Variants in ERICH1 observed in about 807,000 individuals in gnomAD.
The protein encoded by ERICH1 is glutamate-rich protein 1.
ERICH1 carries 56 observed loss-of-function variants against 39.6 expected under a neutral mutation model. That is an observed-to-expected ratio of 1.41 (90% confidence interval 1.14 to 1.77). The LOEUF (loss-of-function observed/expected upper bound fraction) is 1.77. ERICH1 is among the 40% of genes most tolerant of loss of function. ERICH1 has a pLI of 0.00. For missense variants in ERICH1, 826 were observed against 575.4 expected (o/e 1.44, Z -4.45); for synonymous variants, 313 against 223.6 (o/e 1.40, Z -3.57).
intron 2 of ERICH1, among the ~76,000 whole-genome samples, chr8:700,327 G>A (rs550246282): frequency 1.2e-4 from 8 of 65,584 alleles, no homozygotes; most frequent in African/African-American, 3.2e-4. Flanking sequence ...ACGCGCACAG[G>A]CCCGCACACG....
At chr8:719,937 C>A (rs956816092) in intron 1 of ERICH1, among the ~76,000 whole-genome samples, 1 of 152,062 alleles carries the variant, frequency 6.6e-6, no homozygotes, top group South Asian at 2.1e-4. Flanking sequence ...GCCCACCCGG[C>A]CCTCCCATGA....
chr8:712,800 T>C (rs571977010), intron 2 of ERICH1, among the ~76,000 whole-genome samples: 23 of 152,380 alleles, frequency 1.5e-4, no homozygotes, highest in African/African-American at 5.3e-4. Flanking sequence ...AACCCCACTA[T>C]AATCCTTTAT....
chr8:700,478 A>AC (rs1307079245), intron 2 of ERICH1, among the ~76,000 whole-genome samples: 7 of 129,592 alleles, frequency 5.4e-5, no homozygotes, highest in East Asian at 4.5e-4. Context: ...AGACCCGCAC[A>AC]GGCGCACAGG....
At chr8:674,822 G>A (rs959209201) in intron 3 of ERICH1, among the ~76,000 whole-genome samples, 1 of 152,232 alleles carries the variant, frequency 6.6e-6, no homozygotes, top group Non-Finnish European at 1.5e-5. Context: ...ACTCCAGGTT[G>A]GCAGAAGGTG....
At chr8:706,155 G>A (rs945911205) in intron 2 of ERICH1, among the ~76,000 whole-genome samples, 1 of 152,194 alleles carries the variant, frequency 6.6e-6, no homozygotes, top group East Asian at 1.9e-4. Context: ...GTGTGTAAGC[G>A]CACTTTGCTC....
At chr8:694,762 G>T (rs567652538) in intron 2 of ERICH1, among the ~76,000 whole-genome samples, 2 of 152,308 alleles carry the variant, frequency 1.3e-5, no homozygotes, top group African/African-American at 4.8e-5. Flanking sequence ...TTACTGTGAG[G>T]ACACTTACGC....
intron 1 of ERICH1, 44 bp from the exon 2 acceptor site, chr8:716,051 A>C (rs1338903493): frequency 6.4e-7 from 1 of 1,556,540 alleles, no homozygotes; most frequent in Non-Finnish European, 8.7e-7. Context: ...AAAGGAATGA[A>C]TTATGCAGTT....
At chr8:696,850 T>C (rs1240064731) in intron 2 of ERICH1, among the ~76,000 whole-genome samples, 1 of 39,426 alleles carries the variant, frequency 2.5e-5, no homozygotes, top group African/African-American at 1.0e-4. Flanking sequence ...TCTCACCCTC[T>C]CTCCCTCTCC....
chr8:709,109 G>C (rs753482464), intron 2 of ERICH1, among the ~76,000 whole-genome samples: 3 of 152,178 alleles, frequency 2.0e-5, no homozygotes, highest in Non-Finnish European at 2.9e-5. Context: ...TGAATTGGTT[G>C]ATTTGAAATG....
intron 1 of ERICH1, among the ~76,000 whole-genome samples, chr8:723,580 G>C (rs995748210): frequency 2.6e-5 from 4 of 152,296 alleles, no homozygotes; most frequent in East Asian, 1.9e-4. Context: ...CATCAGTTTA[G>C]AGAAAATACC....
In ERICH1 at chr8:625,180, G is replaced by A. The variant is rs79645001; in HGVS notation, c.977-9896C>T. On this transcript the variant is annotated intron_variant, in intron 3 of 3. Coordinates refer to the ERICH1 transcript ENST00000522706. ...GAGATTTGGGTGGGGACACGAATCC[G>A]AACCATATCAGAGTCATTCACAATC... Among the ~76,000 whole-genome samples the A allele has an allele frequency of 1.4e-3, 218 of 152,248 alleles. 4 individuals are homozygous for A. In the East Asian group the frequency reaches 0.033, roughly 23 times the overall value.
At chr8:628,571 C>T (rs1168182742) in intron 3 of ERICH1, among the ~76,000 whole-genome samples, 1 of 152,208 alleles carries the variant, frequency 6.6e-6, no homozygotes, top group African/African-American at 2.4e-5. Flanking sequence ...GAGAGGACTC[C>T]CTGGTGCCTT....
At chr8:671,493 G>A (rs1398997224) in intron 4 of ERICH1, among the ~76,000 whole-genome samples, 1 of 142,498 alleles carries the variant, frequency 7.0e-6, no homozygotes, top group East Asian at 2.2e-4. Context: ...GCCAGCCCCG[G>A]TTCTAATGTC....
intron 2 of ERICH1, among the ~76,000 whole-genome samples, chr8:700,372 GGCGCACAGGCCCGCACAC>G (rs1563298929): frequency 9.0e-4 from 19 of 21,154 alleles, no homozygotes; most frequent in African/African-American, 2.1e-3. Context: ...GGCCCGCACA[GGCGCACAGGCCCGCACAC>G]GCGCACAGGC....
chr8:673,254 G>A (rs373726307), intron 4 of ERICH1, 35 bp downstream of exon 4: 2 of 1,548,048 alleles, frequency 1.3e-6, no homozygotes, highest in South Asian at 2.5e-5. Context: ...TTAAGTGGAT[G>A]TCACTATGCA....
chr8:699,877 G>A lies in ERICH1; in HGVS notation c.170-7265C>T, dbSNP rs1478109916. ...CACACGCGCACAGACCCTCACAGGC[G>A]CACAGATCCGCACACGCGCACAGAC... On this transcript the variant is annotated intron_variant, in intron 2 of 5. Transcript: ENST00000262109. Among the ~76,000 whole-genome samples the A allele has an allele frequency of 1.9e-5, 2 of 105,398 alleles. 1 individual carries two copies. Among genetic ancestry groups the A allele is most frequent in the Non-Finnish European group, 4.0e-5 (2 of 50,312 alleles). 69.1% of individuals were successfully genotyped at this position (105,398 alleles called of 152,430 possible). A position where few individuals can be genotyped will look rare whatever the true frequency, so the allele number is the denominator to read the frequency against.
chr8:665,292 C>T (rs1023839356), intron 5 of ERICH1, among the ~76,000 whole-genome samples: 1 of 152,128 alleles, frequency 6.6e-6, no homozygotes, highest in Non-Finnish European at 1.5e-5. Context: ...CCACTGGTCC[C>T]CGGCTCCAAC....
chr8:723,160 A>T (rs1817731844), intron 1 of ERICH1, among the ~76,000 whole-genome samples: 1 of 152,208 alleles, frequency 6.6e-6, no homozygotes, highest in Non-Finnish European at 1.5e-5. Flanking sequence ...CCCTCACCAT[A>T]GGACGCTGGC....
chr8:656,953 G>T, intron 3 of ERICH1: 1 of 670,058 alleles, frequency 1.5e-6, no homozygotes, highest in Non-Finnish European at 1.8e-6. Flanking sequence ...GCATTTTAGT[G>T]CAAAATAATT....
Sources: gnomAD v4.1 joint callset for allele counts (sites outside exome capture counted in the v4.1 genomes callset) on GRCh38, gnomAD v4.1.1 for gene constraint, MANE v1.5 for transcripts, NCBI Gene and HGNC (gene_info 2026-07-23, HGNC 2026-07-21) for gene names.